The following PTPRD variants were observed in gnomAD, a reference collection of about 807,000 sequenced individuals.
The protein encoded by PTPRD is receptor-type tyrosine-protein phosphatase delta.
In PTPRD, 34 loss-of-function variants were observed where a neutral mutation model predicts 214.5. The observed-to-expected ratio is 0.16, with a 90% CI of 0.12 to 0.21. The LOEUF is 0.21. Ranked by LOEUF, PTPRD falls within the 10% of genes least tolerant of loss-of-function variation. The probability of loss-of-function intolerance (pLI) is 1.00; values close to 1 mark genes in which losing one functional copy is unlikely to be tolerated. For synonymous variants in PTPRD, 1,128 were observed against 845.7 expected, an observed-to-expected ratio of 1.33 and a Z score of -5.79; for missense variants, 2,545 against 2,398.7, an observed-to-expected ratio of 1.06 and a Z score of -1.27.
intron 12 of PTPRD, among the ~76,000 whole-genome samples, chr9:8,701,059 G>A (rs528888223): frequency 6.6e-5 from 10 of 152,054 alleles, no homozygotes; most frequent in Admixed American, 2.6e-4. Flanking sequence ...TACTCAGGAC[G>A]CTGAGGCAGG....
At chr9:8,782,044 T>C (rs1002032265) in intron 11 of PTPRD, among the ~76,000 whole-genome samples, 1 of 149,666 alleles carries the variant, frequency 6.7e-6, no homozygotes, top group African/African-American at 2.5e-5. Flanking sequence ...TTATTATGTA[T>C]ACATAATGTT....
intron 11 of PTPRD, among the ~76,000 whole-genome samples, chr9:8,982,943 C>T (rs1264725157): frequency 2.6e-5 from 4 of 151,984 alleles, no homozygotes; most frequent in Non-Finnish European, 4.4e-5. Context: ...TAGGGATACA[C>T]TCTAGGGCTG....
chr9:10,146,830 C>A (rs1421424543), intron 3 of PTPRD, among the ~76,000 whole-genome samples: 2 of 152,124 alleles, frequency 1.3e-5, no homozygotes, highest in Admixed American at 6.6e-5. Flanking sequence ...TTTTAGTCGT[C>A]CATCCACATC....
chr9:8,349,949 T>A (rs200185610), intron 39 of PTPRD, among the ~76,000 whole-genome samples: 38 of 138,926 alleles, frequency 2.7e-4, no homozygotes, highest in South Asian at 6.9e-4. Flanking sequence ...TTTTTTTTTT[T>A]AAATTTCAGT....
At chr9:9,329,808 G>A (rs2041624333) in intron 9 of PTPRD, among the ~76,000 whole-genome samples, 1 of 152,152 alleles carries the variant, frequency 6.6e-6, no homozygotes, top group Admixed American at 6.6e-5. Flanking sequence ...ATGCAAATGG[G>A]TTTTCAGTAA....
intron 10 of PTPRD, among the ~76,000 whole-genome samples, chr9:9,064,221 T>C (rs2099718632): frequency 6.6e-6 from 1 of 152,186 alleles, no homozygotes; most frequent in Non-Finnish European, 1.5e-5. Flanking sequence ...TATTGTTTGT[T>C]ATTGCTATTT....
At chr9:9,827,389 A>T (rs1044269596) in intron 5 of PTPRD, among the ~76,000 whole-genome samples, 1 of 152,174 alleles carries the variant, frequency 6.6e-6, no homozygotes, top group Non-Finnish European at 1.5e-5. Flanking sequence ...CAAACCTGAC[A>T]AAAACAAGCA....
intron 2 of PTPRD, among the ~76,000 whole-genome samples, chr9:10,607,337 T>G (rs2079700670): frequency 1.3e-5 from 2 of 151,952 alleles, no homozygotes; most frequent in Admixed American, 1.3e-4. Flanking sequence ...ATTTGTTATG[T>G]TACATACTAG....
intron 8 of PTPRD, among the ~76,000 whole-genome samples, chr9:9,409,152 A>G (rs957049750): frequency 6.6e-6 from 1 of 151,954 alleles, no homozygotes; most frequent in Non-Finnish European, 1.5e-5. Context: ...AAAGACAAAT[A>G]TATGTGTGCT....
chr9:8,490,733 T>C (rs2097132965), intron 27 of PTPRD, among the ~76,000 whole-genome samples: 1 of 152,230 alleles, frequency 6.6e-6, no homozygotes, highest in Non-Finnish European at 1.5e-5. Context: ...CTTGAGGTTA[T>C]ATGAATCTTA....
At chr9:8,610,143 T>A (rs979313237) in intron 14 of PTPRD, among the ~76,000 whole-genome samples, 2 of 140,220 alleles carry the variant, frequency 1.4e-5, no homozygotes, top group African/African-American at 3.1e-5. Flanking sequence ...TGTTAAGTGA[T>A]CTTTATCATC....
chr9:9,719,754 C>G (rs931750569), intron 7 of PTPRD, among the ~76,000 whole-genome samples: 2 of 152,164 alleles, frequency 1.3e-5, no homozygotes, highest in African/African-American at 4.8e-5. Flanking sequence ...TCGGTAACAC[C>G]CTCTTTGGGG....
chr9:9,825,706 A>T (rs985086300), intron 5 of PTPRD, among the ~76,000 whole-genome samples: 1 of 151,942 alleles, frequency 6.6e-6, no homozygotes, highest in African/African-American at 2.4e-5. Context: ...TGCCCTTAAC[A>T]ACTCAAAGTT....
At chr9:9,162,933 T>C (rs2099893256) in intron 10 of PTPRD, among the ~76,000 whole-genome samples, 1 of 152,140 alleles carries the variant, frequency 6.6e-6, no homozygotes, top group African/African-American at 2.4e-5. Flanking sequence ...CTTGGGAACA[T>C]TTGATACTGT....
intron 12 of PTPRD, among the ~76,000 whole-genome samples, chr9:8,728,898 G>A (rs1598171719): frequency 6.6e-6 from 1 of 152,046 alleles, no homozygotes; most frequent in East Asian, 1.9e-4. Context: ...GAGGATTGCT[G>A]GAACCCCAGA....
intron 5 of PTPRD, among the ~76,000 whole-genome samples, chr9:9,899,050 G>A (rs1015304359): frequency 1.3e-5 from 2 of 152,042 alleles, no homozygotes; most frequent in African/African-American, 4.8e-5. Context: ...AAAGTCACAG[G>A]ACACAAGGTC....
intron 7 of PTPRD, among the ~76,000 whole-genome samples, chr9:9,646,977 G>C (rs561444048): frequency 1.0e-3 from 159 of 152,210 alleles, no homozygotes; most frequent in African/African-American, 3.7e-3. Flanking sequence ...GGCTCATATA[G>C]AGTATATACT....
chr9:8,315,628 AG>A lies in PTPRD; in HGVS notation c.*2245del. On this transcript the variant is annotated 3_prime_UTR_variant, in exon 46 of 46. Transcript: ENST00000381196. ...GGTAGCCTTCTAGATACTTTTTTTT[AG>A]TATTATATATATTTTCTTTTTTTTC... 1 of 228,002 alleles carries A rather than the reference AG, an allele frequency of 4.4e-6. No homozygotes were observed. Among genetic ancestry groups the A allele is most frequent in the Non-Finnish European group, 8.7e-6 (1 of 114,560 alleles). 14.1% of individuals were successfully genotyped at this position (228,002 alleles called of 1,614,324 possible).
At chr9:8,546,898 G>A (rs1455858058) in intron 14 of PTPRD, among the ~76,000 whole-genome samples, 1 of 152,190 alleles carries the variant, frequency 6.6e-6, no homozygotes, top group Non-Finnish European at 1.5e-5. Flanking sequence ...AGAGATGTTA[G>A]TAGATTTGGA....
Sources: gnomAD v4.1 joint callset for allele counts (sites outside exome capture counted in the v4.1 genomes callset) on GRCh38, gnomAD v4.1.1 for gene constraint, MANE v1.5 for transcripts, NCBI Gene and HGNC (gene_info 2026-07-23, HGNC 2026-07-21) for gene names.